ARHGEF18: variants seen among roughly 807,000 people sequenced by gnomAD.
ARHGEF18 encodes Rho/Rac guanine nucleotide exchange factor 18.
Under a neutral mutation model 155.7 loss-of-function variants are expected in ARHGEF18, and 93 were observed. The observed-to-expected ratio is 0.60, with a 90% confidence interval of 0.50 to 0.71. The LOEUF (loss-of-function observed/expected upper bound fraction) is 0.71. Ranked by LOEUF, ARHGEF18 falls within the 30% of genes least tolerant of loss-of-function variation. ARHGEF18 has a pLI of 0.00. For missense variants in ARHGEF18, 1,593 were observed against 1,816.1 expected (o/e 0.88, Z 2.23); for synonymous variants, 742 against 753.1 (o/e 0.99, Z 0.24).
chr19:7,381,396 G>A (rs1970728580), intron 8 of ARHGEF18, among the ~76,000 whole-genome samples: 1 of 152,196 alleles, frequency 6.6e-6, no homozygotes, highest in South Asian at 2.1e-4. Context: ...CAGCAGTGGG[G>A]CTTGGGTGCG....
chr19:7,356,007 C>T (rs1367047478), intron 1 of ARHGEF18, among the ~76,000 whole-genome samples: 2 of 152,138 alleles, frequency 1.3e-5, no homozygotes, highest in South Asian at 2.1e-4. Context: ...GGCAGCCCAG[C>T]GATCTCCTGG....
intron 10 of ARHGEF18, among the ~76,000 whole-genome samples, chr19:7,414,492 ATGGTGAACC>A (rs1178813196): frequency 6.6e-6 from 1 of 152,244 alleles, no homozygotes; most frequent in South Asian, 2.1e-4. Context: ...CCTAGCCAAC[ATGGTGAACC>A]CCATCTCTAC....
intron 10 of ARHGEF18, 147 bp downstream of exon 10, chr19:7,383,350 G>T (rs1970839275): frequency 2.2e-6 from 2 of 901,478 alleles, no homozygotes; most frequent in Non-Finnish European, 1.5e-6. Flanking sequence ...GAGAGAACCA[G>T]GGATCAGTCC....
At chr19:7,376,593 T>G (rs530850186) in intron 4 of ARHGEF18, 50 bp from the exon 5 acceptor site, 1 of 1,184,738 alleles carries the variant, frequency 8.4e-7, no homozygotes, top group Non-Finnish European at 1.1e-6. Flanking sequence ...GGAACCTGCC[T>G]GCAGTCCAGG....
chr19:7,450,507 C>T (rs1408755621), intron 15 of ARHGEF18, among the ~76,000 whole-genome samples: 3 of 138,362 alleles, frequency 2.2e-5, no homozygotes, highest in African/African-American at 8.5e-5. Flanking sequence ...AATACGGGAT[C>T]TTGCTGTCCA....
At chr19:7,425,290 G>A (rs1973591379) in intron 10 of ARHGEF18, among the ~76,000 whole-genome samples, 1 of 151,888 alleles carries the variant, frequency 6.6e-6, no homozygotes, top group African/African-American at 2.4e-5. Context: ...GCTCTGGCTT[G>A]GTCTTACACA....
downstream of ARHGEF18, among the ~76,000 whole-genome samples, chr19:7,474,754 A>AGTGAGTGTGTGTGTGTGTGT (rs796866599): frequency 4.1e-3 from 579 of 142,026 alleles, 5 homozygotes; most frequent in African/African-American, 0.015. Flanking sequence ...TGGGCATTGG[A>AGTGAGTGTGTGTGTGTGTGT]GTGTGTGTGT....
chr19:7,421,575 A>G (rs1307150088), intron 10 of ARHGEF18, among the ~76,000 whole-genome samples: 1 of 152,090 alleles, frequency 6.6e-6, no homozygotes, highest in African/African-American at 2.4e-5. Flanking sequence ...AGGCTGGCCA[A>G]ACATGGTGAA....
chr19:7,446,916 A>T, intron 14 of ARHGEF18, 127 bp from the exon 15 acceptor site: 3 of 1,186,900 alleles, frequency 2.5e-6, no homozygotes, highest in Non-Finnish European at 3.4e-6. Flanking sequence ...AAAAAAGAAG[A>T]AGAAAGAAAG....
rs1325775652 is a variant in ARHGEF18 at position 7,441,622 on chromosome 19, T to A, written c.1107-31T>A. 5 of 1,583,782 alleles carry A rather than the reference T, an allele frequency of 3.2e-6. No homozygotes were observed. In the African/African-American group the frequency reaches 6.7e-5, roughly 21 times the overall value. On this transcript the variant is annotated intron_variant, in intron 11 of 28. Transcript: ENST00000668164. ...GTCGTGTGTGTTTAATTCACTTTTC[T>A]AAAACAATTGTTTTTATTGTTTGCA...
chr19:7,394,804 G>A (rs1971596661), intron 10 of ARHGEF18, among the ~76,000 whole-genome samples: 1 of 151,682 alleles, frequency 6.6e-6, no homozygotes, highest in Non-Finnish European at 1.5e-5. Flanking sequence ...CTCTCCCTCT[G>A]GATCCCCGCA....
chr19:7,421,790 TTGA>T (rs1383469755), intron 10 of ARHGEF18, among the ~76,000 whole-genome samples: 2 of 152,050 alleles, frequency 1.3e-5, no homozygotes, highest in Non-Finnish European at 2.9e-5. Context: ...GTCCCCAGCC[TTGA>T]TGATGGCCCT....
chr19:7,399,473 GT>G (rs919597815), intron 10 of ARHGEF18, among the ~76,000 whole-genome samples: 4 of 149,316 alleles, frequency 2.7e-5, no homozygotes, highest in South Asian at 2.1e-4. Flanking sequence ...ATACACTAAT[GT>G]TTTTTTTTCC....
At position 7,395,505 on chromosome 19, in the gene ARHGEF18, C is replaced by A. The variant is rs1568295296; in HGVS notation, c.967+12302C>A. 2.0e-5 allele frequency among the ~76,000 whole-genome samples: 3 copies of A among 152,100 alleles called. No homozygotes were observed. Among genetic ancestry groups the A allele is most frequent in the Non-Finnish European group, 2.9e-5 (2 of 67,992 alleles). ...CGCTCCGTCCGAGCCCCAGCCAGTC[C>A]TGGGGTGCTACGGCTTACTCTCCTC... On this transcript the variant is annotated intron_variant, in intron 10 of 28. Transcript: ENST00000668164. The surrounding 1 kb of genome is among the most constrained non-coding windows in gnomAD (Gnocchi z 5.0).
At chr19:7,461,352 C>A (rs1041355272) in intron 20 of ARHGEF18, among the ~76,000 whole-genome samples, 1 of 152,024 alleles carries the variant, frequency 6.6e-6, no homozygotes, top group Non-Finnish European at 1.5e-5. Context: ...AGTTTGAGAC[C>A]AGCCTGGCCA....
At position 7,362,839 on chromosome 19, in the gene ARHGEF18, C is replaced by T; in HGVS notation, c.-52C>T. Reference sequence around the variant, plus strand: ...ACTCTGGAGCTGTGGCTTCAGCCACCAAGAGCAGCAGTGGATCCTGGAAAC... The same window carrying T: ...ACTCTGGAGCTGTGGCTTCAGCCACTAAGAGCAGCAGTGGATCCTGGAAAC... On this transcript the variant is annotated 5_prime_UTR_variant, in exon 2 of 29. Transcript: ENST00000668164. 1 of 1,234,272 alleles carries T rather than the reference C, an allele frequency of 8.1e-7. No individual in the cohort carries two copies. The highest frequency in any genetic ancestry group is 4.1e-5 in the South Asian group (1 of 24,402). 76.5% of individuals were successfully genotyped at this position (1,234,272 alleles called of 1,614,324 possible). A position where few individuals can be genotyped will look rare whatever the true frequency, so the allele number is the denominator to read the frequency against.
Position 7,376,733 on chromosome 19 carries a change from G to T in ARHGEF18, c.517G>T (p.Glu173Ter). The change falls in exon 5 of 29, where the codon GAA (glutamate) becomes TAA (stop). Residue 173 changes from glutamate to a stop codon, truncating the protein, a stop_gained. Coordinates refer to ENST00000668164, the MANE Select transcript of ARHGEF18 (RefSeq NM_001367823.1). LOFTEE classifies it high-confidence loss of function. The stretch of plus-strand genomic sequence containing the variant: ...CTCTCCGGAAATCTCTCCGGGTTTG[G>T]AAGTGCCCACTCCACCTGTTCAAGG... ...IRSPEISPGL[E>*]VPTPPVQGLE... is the part of the protein sequence containing the mutation. 1 of 1,234,446 alleles carries T rather than the reference G, an allele frequency of 8.1e-7. No homozygotes were observed. The highest frequency in any genetic ancestry group is 1.0e-6 in the Non-Finnish European group (1 of 988,220). The allele number at this position is 1,234,446 out of a possible 1,614,324, so 76.5% of individuals were successfully genotyped here.
intron 3 of ARHGEF18, among the ~76,000 whole-genome samples, chr19:7,374,610 A>G (rs993095331): frequency 1.3e-5 from 2 of 150,326 alleles, no homozygotes; most frequent in Admixed American, 1.3e-4. Flanking sequence ...CCCAGGAGAC[A>G]GAGGTTGCAG....
At chr19:7,436,597 T>G (rs531807317) in intron 10 of ARHGEF18, among the ~76,000 whole-genome samples, 1 of 152,242 alleles carries the variant, frequency 6.6e-6, no homozygotes, top group African/African-American at 2.4e-5. Context: ...TTTTAGTGAC[T>G]TTTTCTTCTA....
Sources: allele counts gnomAD v4.1 joint callset (sites outside exome capture counted in the v4.1 genomes callset), GRCh38; gene constraint gnomAD v4.1.1; non-coding constraint Gnocchi (gnomAD v3.1); transcripts MANE v1.5; gene names NCBI Gene and HGNC (gene_info 2026-07-23, HGNC 2026-07-21).